LIPH: variants seen among roughly 807,000 people sequenced by gnomAD.
LIPH encodes lipase H.
Under a neutral mutation model 47.6 loss-of-function variants are expected in LIPH, and 32 were observed. The observed-to-expected ratio is 0.67, with a 90% CI of 0.51 to 0.90. The LOEUF (loss-of-function observed/expected upper bound fraction) is 0.90, where lower values mean the gene tolerates loss of function less well. LIPH is among the 40% of genes least tolerant of loss of function. The pLI is 0.00. For synonymous variants in LIPH, 190 were observed against 195.6 expected, an observed-to-expected ratio of 0.97 and a Z score of 0.24; for missense variants, 497 against 541.4, an observed-to-expected ratio of 0.92 and a Z score of 0.81.
chr3:185,516,305 C>T (rs1719728792), intron 7 of LIPH, among the ~76,000 whole-genome samples: 1 of 148,572 alleles, frequency 6.7e-6, no homozygotes, highest in African/African-American at 2.6e-5. Context: ...TGGTGATGCA[C>T]ACCTGTAGTC....
At chr3:185,517,186 G>A in intron 6 of LIPH, 24 bp from the exon 7 acceptor site, 2 of 1,278,656 alleles carry the variant, frequency 1.6e-6, no homozygotes, top group African/African-American at 1.5e-5. Flanking sequence ...TTAAAAAATT[G>A]TAAGATTAAT....
chr3:185,517,347 G>T (rs1225543545), intron 6 of LIPH, among the ~76,000 whole-genome samples, 185 bp from the exon 7 acceptor site: 1 of 152,112 alleles, frequency 6.6e-6, no homozygotes, highest in Non-Finnish European at 1.5e-5. Context: ...CTGTCCCTAA[G>T]AGCTGAAGGG....
intron 3 of LIPH, among the ~76,000 whole-genome samples, chr3:185,528,928 C>T (rs1560164434): frequency 1.3e-5 from 2 of 150,930 alleles, no homozygotes; most frequent in East Asian, 3.9e-4. Flanking sequence ...CTTTGGGAGG[C>T]CGAGGTGGGC....
At position 185,512,680 on chromosome 3, in the gene LIPH, G is replaced by A. The variant is rs536796244; in HGVS notation, c.1095-983C>T. On this transcript the variant is annotated intron_variant, in intron 8 of 9. Transcript: ENST00000296252. The stretch of plus-strand genomic sequence containing the variant: ...ATTTTTGTATTTTTAATGGAGACAG[G>A]GTTTCACCATATTGGCCAGGCTGGT... Among the ~76,000 whole-genome samples the A allele has an allele frequency of 1.5e-4, 23 of 151,714 alleles. No homozygotes were observed. In the East Asian group the frequency reaches 4.5e-3, roughly 30 times the overall value.
At position 185,540,349 on chromosome 3, in the gene LIPH, G is replaced by A. The variant is rs527814594; in HGVS notation, c.50-5217C>T. On this transcript the variant is annotated intron_variant, in intron 1 of 9. Transcript: ENST00000296252. ...TGTTTTATCAGGGGTTCTTTTGTATGTATGTGTTCTTTCTCATATTGGGAA... is the reference window on the plus strand; with the variant it reads ...TGTTTTATCAGGGGTTCTTTTGTATATATGTGTTCTTTCTCATATTGGGAA... Among the ~76,000 whole-genome samples, 5 of 152,244 alleles carry A rather than the reference G, an allele frequency of 3.3e-5. No individual in the cohort carries two copies. In the South Asian group the frequency reaches 1.0e-3, roughly 32 times the overall value.
At position 185,533,547 on chromosome 3, in the gene LIPH, C is replaced by T. The variant is rs372608787; in HGVS notation, c.526+24G>A. On this transcript the variant is annotated intron_variant, in intron 3 of 9. Transcript: ENST00000296252. The stretch of plus-strand genomic sequence containing the variant: ...TGAACACCCTGCCCAGGCTACCAAC[C>T]CATGCCCATTCACAGGCACTTACCT... The T allele has an allele frequency of 3.3e-4, 495 of 1,496,636 alleles. 3 individuals are homozygous for T. The highest frequency in any genetic ancestry group is 4.4e-4 in the Non-Finnish European group (473 of 1,072,726). The allele number at this position is 1,496,636 out of a possible 1,614,324, so 92.7% of individuals were successfully genotyped here.
chr3:185,510,922 A>C (rs1719542398), intron 9 of LIPH, among the ~76,000 whole-genome samples: 1 of 152,216 alleles, frequency 6.6e-6, no homozygotes, highest in African/African-American at 2.4e-5. Flanking sequence ...GTAGTTAGGG[A>C]AGAACTGTAT....
intron 9 of LIPH, 147 bp from the exon 10 acceptor site, chr3:185,509,024 A>T: frequency 1.5e-6 from 1 of 654,164 alleles, no homozygotes; most frequent in Non-Finnish European, 2.8e-6. Context: ...ACGGTGACTC[A>T]TGCCTGTAAT....
intron 1 of LIPH, 24 bp from the exon 2 acceptor site, chr3:185,535,156 T>C: frequency 6.2e-7 from 1 of 1,612,304 alleles, no homozygotes; most frequent in Non-Finnish European, 8.5e-7. Context: ...TTAGATGGCA[T>C]CACGACAGGT....
intron 3 of LIPH, among the ~76,000 whole-genome samples, chr3:185,532,806 T>C (rs1312897721): frequency 6.6e-6 from 1 of 151,568 alleles, no homozygotes; most frequent in Non-Finnish European, 1.5e-5. Flanking sequence ...AAATAAATAA[T>C]AAAATAAAAT....
intron 5 of LIPH, among the ~76,000 whole-genome samples, chr3:185,520,348 G>A (rs377154364): frequency 1.1e-4 from 17 of 151,738 alleles, no homozygotes; most frequent in African/African-American, 3.4e-4. Flanking sequence ...GTGAAACCCC[G>A]TCTCTACTAA....
chr3:185,511,975 T>C (rs1408553073), intron 8 of LIPH, among the ~76,000 whole-genome samples: 1 of 152,152 alleles, frequency 6.6e-6, no homozygotes, highest in African/African-American at 2.4e-5. Context: ...GGCACGATGC[T>C]AATGACTGCC....
intron 3 of LIPH, among the ~76,000 whole-genome samples, chr3:185,531,391 C>A (rs901243312): frequency 1.3e-5 from 2 of 150,894 alleles, no homozygotes; most frequent in African/African-American, 2.4e-5. Flanking sequence ...TAGAAAAATT[C>A]AAAAATTAGC....
intron 7 of LIPH, 64 bp from the exon 8 acceptor site, chr3:185,514,585 G>T: frequency 5.1e-6 from 4 of 783,714 alleles, no homozygotes; most frequent in Non-Finnish European, 2.4e-6. Context: ...TGAAGGGCTG[G>T]TTCCTAAAAA....
chr3:185,520,278 T>C (rs1186218478), intron 5 of LIPH, among the ~76,000 whole-genome samples: 1 of 151,998 alleles, frequency 6.6e-6, no homozygotes, highest in Non-Finnish European at 1.5e-5. Context: ...CCCAGCACTT[T>C]GGGAGGCTGA....
At chr3:185,533,058 AG>A (rs955222361) in intron 3 of LIPH, among the ~76,000 whole-genome samples, 4 of 152,208 alleles carry the variant, frequency 2.6e-5, no homozygotes, top group African/African-American at 9.6e-5. Flanking sequence ...AGGAGATTCC[AG>A]CAAAGGAGTC....
At chr3:185,546,858 C>A in intron 1 of LIPH, 1 of 431,818 alleles carries the variant, frequency 2.3e-6, no homozygotes, top group Non-Finnish European at 4.5e-6. Flanking sequence ...GCTACACACT[C>A]AGCTCTGGCT....
At position 185,507,130 on chromosome 3, in the gene LIPH, T is replaced by A. The variant is rs1352507067; in HGVS notation, c.*1660A>T. 1 of 151,532 alleles carries A rather than the reference T, an allele frequency of 6.6e-6. No individual in the cohort carries two copies. The highest frequency in any genetic ancestry group is 1.9e-4 in the East Asian group (1 of 5,180). The allele number at this position is 151,532 out of a possible 1,614,324, so 9.4% of individuals were successfully genotyped here. A position where few individuals can be genotyped will look rare whatever the true frequency, so the allele number is the denominator to read the frequency against. ...GCTCATGCCTGTAATCCCAGCACTT[T>A]GGGAGGCCGAGACGGGTAGTCACCT... On this transcript the variant is annotated 3_prime_UTR_variant, in exon 10 of 10. Transcript: ENST00000296252.
intron 3 of LIPH, among the ~76,000 whole-genome samples, chr3:185,532,134 C>A (rs1720349532): frequency 6.6e-6 from 1 of 152,164 alleles, no homozygotes; most frequent in Non-Finnish European, 1.5e-5. Flanking sequence ...GACAGACACC[C>A]AACATTTTGC....
Sources: allele counts gnomAD v4.1 joint callset (sites outside exome capture counted in the v4.1 genomes callset), GRCh38; gene constraint gnomAD v4.1.1; transcripts MANE v1.5; gene names NCBI Gene and HGNC (gene_info 2026-07-23, HGNC 2026-07-21).